The following ROBO1 variants were observed in gnomAD, a reference collection of about 807,000 sequenced individuals.
The protein encoded by ROBO1 is roundabout homolog 1.
ROBO1 carries 149 observed loss-of-function variants against 195.9 expected under a neutral mutation model. The observed-to-expected ratio is 0.76, with a 90% CI of 0.67 to 0.87. ROBO1 has a LOEUF of 0.87. ROBO1 is among the 40% of genes least tolerant of loss of function. The pLI is 0.00. For synonymous variants in ROBO1, 816 were observed against 733.2 expected, an observed-to-expected ratio of 1.11 and a Z score of -1.82; for missense variants, 1,933 against 2,068.3, an observed-to-expected ratio of 0.93 and a Z score of 1.27.
chr3:79,433,509 C>T (rs1287488995), intron 2 of ROBO1, among the ~76,000 whole-genome samples: 6 of 152,090 alleles, frequency 3.9e-5, no homozygotes, highest in Non-Finnish European at 8.8e-5. Flanking sequence ...AGCAATCCTT[C>T]TGCCTCAGCC....
At chr3:78,674,318 T>C (rs1305018897) in intron 10 of ROBO1, among the ~76,000 whole-genome samples, 2 of 152,178 alleles carry the variant, frequency 1.3e-5, no homozygotes, top group African/African-American at 4.8e-5. Flanking sequence ...TTTGTTCTGT[T>C]TGCAAACAGT....
At chr3:78,656,956 C>T in intron 18 of ROBO1, 142 bp downstream of exon 18, 1 of 751,398 alleles carries the variant, frequency 1.3e-6, no homozygotes, top group Non-Finnish European at 2.1e-6. Flanking sequence ...TTAAGTAAAG[C>T]TAACACCTTT....
At position 78,617,994 on chromosome 3, in the gene ROBO1, G is replaced by A. The variant is rs1704229959; in HGVS notation, c.3923C>T (p.Pro1308Leu). The change falls in exon 27 of 31, where the codon CCA becomes CTA. Residue 1308 changes from proline (P) to leucine (L), a missense_variant. Physicochemically the swap from Pro to Leu is moderately conservative, Grantham distance 98. Transcript: ENST00000464233. ...PPPPPRPISP[P>L]HTYGYISGPL... ...TCCTGAAATGTAGCCATAGGTATGTGGAGGGGAGATCGGCCGTGGTGGTGG... is the reference window on the plus strand; with the variant it reads ...TCCTGAAATGTAGCCATAGGTATGTAGAGGGGAGATCGGCCGTGGTGGTGG... 1.2e-6 allele frequency: 2 copies of A among 1,613,738 alleles called. No homozygotes were observed. The highest frequency in any genetic ancestry group is 2.7e-5 in the African/African-American group (2 of 74,926).
chr3:79,370,579 C>T lies in ROBO1; in HGVS notation c.88+219245G>A, dbSNP rs191512949. Among the ~76,000 whole-genome samples, 453 of 151,762 alleles carry T rather than the reference C, an allele frequency of 3.0e-3. 5 individuals are homozygous for T. Among genetic ancestry groups the T allele is most frequent in the Non-Finnish European group, 2.4e-3 (160 of 67,826 alleles). On this transcript the variant is annotated intron_variant, in intron 2 of 30. Transcript: ENST00000464233. Reference sequence around the variant, plus strand: ...CTGGGATTGATATTCATGTCTTGTACTACCCTAATTCCTTTTCGACTTCTT... The same window carrying T: ...CTGGGATTGATATTCATGTCTTGTATTACCCTAATTCCTTTTCGACTTCTT...
chr3:78,662,305 T>A (rs2107673758), intron 14 of ROBO1, among the ~76,000 whole-genome samples, 191 bp from the exon 15 acceptor site: 2 of 147,578 alleles, frequency 1.4e-5, no homozygotes, highest in South Asian at 2.1e-4. Flanking sequence ...TAAGAGGGGA[T>A]AGAGAGAGTA....
At chr3:79,667,910 T>C (rs963543547) in intron 1 of ROBO1, among the ~76,000 whole-genome samples, 2 of 151,746 alleles carry the variant, frequency 1.3e-5, no homozygotes, top group Non-Finnish European at 2.9e-5. Flanking sequence ...CTGGAAAAAA[T>C]TTCACTTATA....
intron 3 of ROBO1, among the ~76,000 whole-genome samples, chr3:79,016,243 C>A (rs1051379988): frequency 2.4e-4 from 36 of 152,236 alleles, no homozygotes; most frequent in African/African-American, 7.5e-4. Flanking sequence ...ATAGTTTGGC[C>A]TCCCAAGTTC....
intron 2 of ROBO1, among the ~76,000 whole-genome samples, chr3:79,269,197 A>G (rs904857895): frequency 2.6e-5 from 4 of 151,758 alleles, no homozygotes; most frequent in Non-Finnish European, 5.9e-5. Context: ...ATAGGAGGAT[A>G]TGATATTACG....
At chr3:79,436,820 T>C (rs76698969) in intron 2 of ROBO1, among the ~76,000 whole-genome samples, 3,601 of 152,124 alleles carry the variant, frequency 0.024, 189 homozygotes, top group Admixed American at 0.1. Flanking sequence ...TGAAGGTGGT[T>C]ATAAAAAGAT....
chr3:79,016,078 C>T (rs2108242949), intron 3 of ROBO1, among the ~76,000 whole-genome samples: 1 of 152,338 alleles, frequency 6.6e-6, no homozygotes, highest in East Asian at 1.9e-4. Context: ...TGGGGCAAGA[C>T]ATGAAACACA....
chr3:79,146,603 G>A (rs2080658312), intron 2 of ROBO1, among the ~76,000 whole-genome samples: 1 of 151,806 alleles, frequency 6.6e-6, no homozygotes, highest in South Asian at 2.1e-4. Flanking sequence ...GAAGTATGCA[G>A]ATATCTGTGG....
In ROBO1 at chr3:79,725,223, C is replaced by CTTTTT. The variant is rs35418345; in HGVS notation, c.-51+42524_-51+42528dup. ...CCTTATGAGAAACATCTCTCTTCTT[C>CTTTTT]TTTTTTTTTTTTTTTTTTTTTGAGA... On this transcript the variant is annotated intron_variant, in intron 1 of 30. Coordinates refer to ENST00000464233, the MANE Select transcript of ROBO1 (RefSeq NM_002941.4). Among the ~76,000 whole-genome samples the CTTTTT allele has an allele frequency of 6.7e-3, 715 of 106,402 alleles. 7 individuals are homozygous for CTTTTT. The highest frequency in any genetic ancestry group is 8.1e-3 in the East Asian group (28 of 3,452). The allele number at this position is 106,402 out of a possible 152,430, so 69.8% of individuals were successfully genotyped here. A position where few individuals can be genotyped will look rare whatever the true frequency, so the allele number is the denominator to read the frequency against.
At chr3:78,924,586 A>C (rs2107614612) in intron 4 of ROBO1, among the ~76,000 whole-genome samples, 1 of 151,660 alleles carries the variant, frequency 6.6e-6, no homozygotes, top group Non-Finnish European at 1.5e-5. Flanking sequence ...ATATTAAAAT[A>C]TTTCTTCAGT....
At chr3:79,134,197 A>G (rs1236106130) in intron 2 of ROBO1, among the ~76,000 whole-genome samples, 8 of 140,748 alleles carry the variant, frequency 5.7e-5, no homozygotes, top group African/African-American at 2.1e-4. Flanking sequence ...ACAAGAAAAA[A>G]ACAAACAACC....
chr3:78,808,595 A>G (rs2084625378), intron 4 of ROBO1, among the ~76,000 whole-genome samples: 1 of 152,202 alleles, frequency 6.6e-6, no homozygotes, highest in Non-Finnish European at 1.5e-5. Flanking sequence ...TTCAAATTAT[A>G]TGGAAATAAC....
chr3:79,162,100 T>C (rs1327174991), intron 2 of ROBO1, among the ~76,000 whole-genome samples: 5 of 152,070 alleles, frequency 3.3e-5, no homozygotes, highest in African/African-American at 9.7e-5. Context: ...GTGTCAGCAA[T>C]GTCTTGCCAA....
intron 2 of ROBO1, among the ~76,000 whole-genome samples, chr3:79,548,381 C>A (rs1427705561): frequency 6.6e-6 from 1 of 152,144 alleles, no homozygotes; most frequent in African/African-American, 2.4e-5. Flanking sequence ...TCCACGGATA[C>A]CCATGCTAGA....
intron 21 of ROBO1, among the ~76,000 whole-genome samples, 199 bp from the exon 22 acceptor site, chr3:78,640,097 C>T (rs1199190636): frequency 6.6e-6 from 1 of 152,048 alleles, no homozygotes; most frequent in Non-Finnish European, 1.5e-5. Flanking sequence ...ATTTACATAG[C>T]CATAACTGTA....
intron 4 of ROBO1, among the ~76,000 whole-genome samples, chr3:78,818,854 C>T (rs1052983669): frequency 1.3e-5 from 2 of 152,112 alleles, no homozygotes; most frequent in African/African-American, 4.8e-5. Context: ...GCAGTCAACC[C>T]CGGTGTGAAA....
Sources: gnomAD v4.1 joint callset for allele counts (sites outside exome capture counted in the v4.1 genomes callset) on GRCh38, gnomAD v4.1.1 for gene constraint, MANE v1.5 for transcripts, NCBI Gene and HGNC (gene_info 2026-07-23, HGNC 2026-07-21) for gene names.